Variants in ZMYM2 observed in about 807,000 individuals in gnomAD.
ZMYM2 encodes the protein zinc finger MYM-type protein 2.
Under a neutral mutation model 162.8 loss-of-function variants are expected in ZMYM2, and 56 were observed. The ratio of observed to expected loss-of-function variants is 0.34; its 90% confidence interval spans 0.28 to 0.43. The LOEUF (loss-of-function observed/expected upper bound fraction) is 0.43. Ranked by LOEUF, ZMYM2 falls within the 20% of genes least tolerant of loss-of-function variation. The pLI, the probability that ZMYM2 is intolerant of heterozygous loss-of-function variation, is 1.00. For missense variants in ZMYM2, 1,275 were observed against 1,621.8 expected, an observed-to-expected ratio of 0.79 and a Z score of 3.67; for synonymous variants, 510 against 541.6, an observed-to-expected ratio of 0.94 and a Z score of 0.81.
the ZMYM2 span, among the ~76,000 whole-genome samples, chr13:19,926,411 T>C: frequency 6.7e-6 from 1 of 149,266 alleles, no homozygotes; most frequent in African/African-American, 2.5e-5. Flanking sequence ...TCGCCCAGGC[T>C]GGAGTTCAGT....
Position 19,996,072 on chromosome 13 carries a change from C to CTA in ZMYM2, c.847+2154_847+2155insAT, listed in dbSNP as rs60912894. Among the ~76,000 whole-genome samples the CTA allele has an allele frequency of 1.4e-4, 22 of 151,988 alleles. No homozygotes were observed. The East Asian group carries it at 1.7e-3, about 12-fold the overall frequency. On this transcript the variant is annotated intron_variant, in intron 3 of 24. Transcript: ENST00000610343. Reference sequence around the variant, plus strand: ...CTCTTTAACCTCTCCCCCAATTCCTCTGTGTGTGTGTGTCTATCGGCGTTT... The same window carrying CTA: ...CTCTTTAACCTCTCCCCCAATTCCTCTATGTGTGTGTGTGTCTATCGGCGTTT...
the ZMYM2 span, among the ~76,000 whole-genome samples, chr13:19,948,551 T>A: frequency 6.6e-6 from 1 of 152,174 alleles, no homozygotes; most frequent in Non-Finnish European, 1.5e-5. Flanking sequence ...ATTCTGGTAA[T>A]GGCAAAATCA....
the ZMYM2 span, among the ~76,000 whole-genome samples, chr13:19,907,404 G>A: frequency 1.3e-5 from 2 of 152,142 alleles, no homozygotes; most frequent in Non-Finnish European, 2.9e-5. Flanking sequence ...AGAGAAGGCT[G>A]TGTCAGGGCA....
At chr13:19,999,124 C>T (rs1950215424) in intron 3 of ZMYM2, among the ~76,000 whole-genome samples, 1 of 152,148 alleles carries the variant, frequency 6.6e-6, no homozygotes, top group Admixed American at 6.5e-5. Flanking sequence ...TAATAGTTAC[C>T]ACACCTCAGT....
the ZMYM2 span, among the ~76,000 whole-genome samples, chr13:19,925,020 G>C: frequency 6.6e-6 from 1 of 152,116 alleles, no homozygotes; most frequent in South Asian, 2.1e-4. Context: ...GAGTAGCTGG[G>C]ATTACAGGCA....
chr13:20,031,679 G>A (rs1399714012), intron 10 of ZMYM2, among the ~76,000 whole-genome samples: 4 of 151,946 alleles, frequency 2.6e-5, no homozygotes, highest in Non-Finnish European at 5.9e-5. Flanking sequence ...GTTCATAATA[G>A]TGTACAGAAT....
At chr13:19,932,516 G>A in the ZMYM2 span, among the ~76,000 whole-genome samples, 1 of 152,080 alleles carries the variant, frequency 6.6e-6, no homozygotes, top group Non-Finnish European at 1.5e-5. Context: ...GGTGGTGGTG[G>A]TGCGCGCCTG....
chr13:20,082,636 G>C, intron 22 of ZMYM2, 145 bp from the exon 23 acceptor site: 1 of 704,860 alleles, frequency 1.4e-6, no homozygotes, highest in South Asian at 2.7e-5. Flanking sequence ...AGCTGCATAG[G>C]TAATTCTAGA....
At chr13:19,884,172 A>G in the ZMYM2 span, among the ~76,000 whole-genome samples, 1 of 152,202 alleles carries the variant, frequency 6.6e-6, no homozygotes, top group Non-Finnish European at 1.5e-5. Context: ...GTTTTACAAC[A>G]GCCAGGAAAC....
intron 2 of ZMYM2, among the ~76,000 whole-genome samples, chr13:19,977,561 C>T (rs1457333367): frequency 6.7e-6 from 1 of 149,920 alleles, no homozygotes; most frequent in Non-Finnish European, 1.5e-5. Flanking sequence ...GGCGCGATCT[C>T]GGCTCACTGC....
At chr13:19,941,705 G>A in the ZMYM2 span, among the ~76,000 whole-genome samples, 1 of 143,184 alleles carries the variant, frequency 7.0e-6, no homozygotes, top group East Asian at 2.1e-4. Context: ...ACAACTCCGG[G>A]CAAATGGCTT....
At chr13:20,063,794 A>G (rs1956414717) in intron 18 of ZMYM2, among the ~76,000 whole-genome samples, 1 of 12,352 alleles carries the variant, frequency 8.1e-5, no homozygotes, top group Admixed American at 1.5e-3. Flanking sequence ...ATATATATAT[A>G]TAAAAAATAT....
chr13:20,018,287 C>T (rs1157768982), intron 6 of ZMYM2, among the ~76,000 whole-genome samples: 5 of 152,112 alleles, frequency 3.3e-5, no homozygotes, highest in Non-Finnish European at 7.4e-5. Context: ...TTTAAAATTA[C>T]TTGCATGTTT....
At chr13:20,000,018 C>T (rs1349056148) in intron 3 of ZMYM2, among the ~76,000 whole-genome samples, 1 of 152,032 alleles carries the variant, frequency 6.6e-6, no homozygotes, top group Non-Finnish European at 1.5e-5. Flanking sequence ...GCCCAGGCTG[C>T]TCTCAAACTG....
chr13:19,988,135 T>A (rs974723323), intron 2 of ZMYM2, among the ~76,000 whole-genome samples: 1 of 152,216 alleles, frequency 6.6e-6, no homozygotes, highest in Non-Finnish European at 1.5e-5. Context: ...AAAATTCTGT[T>A]TTCTTTTAAC....
At chr13:20,085,682 A>C in intron 24 of ZMYM2, 140 bp from the exon 25 acceptor site, 1 of 579,632 alleles carries the variant, frequency 1.7e-6, no homozygotes, top group Non-Finnish European at 2.8e-6. Context: ...TATTTTAATG[A>C]CAGAATAATG....
intron 21 of ZMYM2, among the ~76,000 whole-genome samples, chr13:20,069,530 T>TA (rs1956925163): frequency 6.6e-6 from 1 of 151,978 alleles, no homozygotes; most frequent in Non-Finnish European, 1.5e-5. Flanking sequence ...GTTTTTTTTT[T>TA]AATTATAAAT....
intron 2 of ZMYM2, among the ~76,000 whole-genome samples, chr13:19,982,148 C>CTTAAATCTTCCTGTCCAA (rs1208630942): frequency 6.6e-6 from 1 of 152,106 alleles, no homozygotes; most frequent in Non-Finnish European, 1.5e-5. Flanking sequence ...TGAACTGTGC[C>CTTAAATCTTCCTGTCCAA]TTAAATCTTC....
the ZMYM2 span, among the ~76,000 whole-genome samples, chr13:19,887,747 C>A: frequency 4.6e-5 from 7 of 151,954 alleles, no homozygotes; most frequent in Non-Finnish European, 1.0e-4. Context: ...ATTCTTTTTG[C>A]AAGCAACATC....
Sources: allele counts gnomAD v4.1 joint callset (sites outside exome capture counted in the v4.1 genomes callset), GRCh38; gene constraint gnomAD v4.1.1; transcripts MANE v1.5; gene names NCBI Gene and HGNC (gene_info 2026-07-23, HGNC 2026-07-21).